Variants in CELF1 observed in about 807,000 individuals in gnomAD.
The protein encoded by CELF1 is 50 kDa nuclear polyadenylated RNA-binding protein.
A neutral mutation model predicts 61.8 loss-of-function variants in CELF1; 10 were observed. The observed-to-expected ratio is 0.16, with a 90% CI of 0.10 to 0.27. CELF1 has a LOEUF of 0.27. Ranked by LOEUF, CELF1 falls within the 10% of genes least tolerant of loss-of-function variation. The probability of loss-of-function intolerance (pLI) is 1.00; values close to 1 mark genes in which losing one functional copy is unlikely to be tolerated. For missense variants in CELF1, 380 were observed against 639.1 expected (o/e 0.59, Z 4.37); for synonymous variants, 236 against 225.1 (o/e 1.05, Z -0.43).
chr11:47,518,925 A>T (rs1308945102), intron 1 of CELF1, among the ~76,000 whole-genome samples: 1 of 152,216 alleles, frequency 6.6e-6, no homozygotes, highest in Non-Finnish European at 1.5e-5. Flanking sequence ...GGATGCTTCC[A>T]TATGGTCTTG....
chr11:47,558,728 T>A (rs1279496229), intron 2 of CELF1, among the ~76,000 whole-genome samples: 2 of 96,520 alleles, frequency 2.1e-5, no homozygotes, highest in East Asian at 2.6e-4. Context: ...ATGACATATA[T>A]TATATATAAT....
At chr11:47,478,848 C>T (rs12224672) in intron 10 of CELF1, 29 bp downstream of exon 10, 410,791 of 1,580,272 alleles carry the variant, frequency 0.26, 56,806 homozygotes, top group Middle Eastern at 0.28. Context: ...CTGGGTGCTG[C>T]TGCTCCTCTG....
At chr11:47,486,122 G>C (rs12808812) in intron 6 of CELF1, among the ~76,000 whole-genome samples, 22,824 of 22,828 alleles carry the variant, frequency 1, 11,410 homozygotes, top group Middle Eastern at 1. Context: ...GATCATGCCA[G>C]TGTACTCCCG....
intron 1 of CELF1, among the ~76,000 whole-genome samples, chr11:47,520,792 G>A (rs1428050546): frequency 6.6e-6 from 1 of 151,628 alleles, no homozygotes; most frequent in African/African-American, 2.4e-5. Context: ...GCCTGGGTCA[G>A]TGAGAACCAA....
chr11:47,523,178 T>C (rs759433361), intron 1 of CELF1: 15 of 152,058 alleles, frequency 9.9e-5, no homozygotes, highest in African/African-American at 2.9e-4. Context: ...AGGGAAGTTA[T>C]AAATTTTAAA....
At chr11:47,487,125 C>T in intron 5 of CELF1, 34 bp downstream of exon 5, 1 of 1,514,364 alleles carries the variant, frequency 6.6e-7, no homozygotes, top group Non-Finnish European at 9.1e-7. Flanking sequence ...ATCAAAGTTA[C>T]CACATTTCCA....
Position 47,473,151 on chromosome 11 carries a change from AG to A in CELF1, c.1353del (p.Phe452LeufsTer11). ...GDQDLLQMFM[P>X]FGNVVSAKVF... ...ACCTTGGCAGACACGACATTCCCAA[AG>A]GGCATAAACATCTGCAGCAGGTCCT... On this transcript the variant is annotated frameshift_variant, in exon 14 of 15. Coordinates refer to ENST00000687097, the MANE Select transcript of CELF1 (RefSeq NM_001376376.1). LOFTEE classifies it high-confidence loss of function. 6.2e-7 allele frequency: 1 copy of A among 1,614,206 alleles called. No individual in the cohort carries two copies. The highest frequency in any genetic ancestry group is 8.5e-7 in the Non-Finnish European group (1 of 1,180,014).
intron 1 of CELF1, chr11:47,523,882 C>T (rs1597911409): frequency 1.3e-5 from 2 of 152,164 alleles, no homozygotes; most frequent in Non-Finnish European, 2.9e-5. Flanking sequence ...TATCTCATAA[C>T]AAACCAAGAA....
intron 2 of CELF1, among the ~76,000 whole-genome samples, chr11:47,500,596 C>A (rs903761816): frequency 7.9e-5 from 12 of 152,206 alleles, no homozygotes; most frequent in African/African-American, 2.9e-4. Context: ...GAAGTCTCTT[C>A]ATTCTCTTTT....
In CELF1 at chr11:47,472,254, C is replaced by T. The variant is rs145495807; in HGVS notation, c.1521G>A (p.Ser507=). ...MKRLKVQLKR[S]KNDSKPY ...CTCAGTAGGGCTTGCTGTCATTCTT[C>T]GAACGTTTGAGCTGCACTTTAAGCC... The change falls in exon 15 of 15, where the codon TCG becomes TCA. Residue 507 remains serine (S), a synonymous_variant. Transcript: ENST00000687097. The T allele has an allele frequency of 2.1e-3, 3,410 of 1,614,156 alleles. 7 individuals carry two copies. The highest frequency in any genetic ancestry group is 9.8e-3 in the Middle Eastern group (59 of 6,038).
At chr11:47,505,416 G>A (rs1343485213) in intron 1 of CELF1, among the ~76,000 whole-genome samples, 3 of 150,950 alleles carry the variant, frequency 2.0e-5, no homozygotes, top group African/African-American at 7.3e-5. Flanking sequence ...GGCAGATCAC[G>A]AGGTCAGATC....
chr11:47,481,069 G>T (rs1374333850), intron 9 of CELF1, among the ~76,000 whole-genome samples: 1 of 143,424 alleles, frequency 7.0e-6, no homozygotes, highest in Non-Finnish European at 1.5e-5. Flanking sequence ...ATACTAGCTA[G>T]GATAAACTGG....
intron 3 of CELF1, among the ~76,000 whole-genome samples, chr11:47,492,008 C>T (rs1022323832): frequency 1.9e-4 from 29 of 152,268 alleles, no homozygotes; most frequent in Admixed American, 2.6e-4. Flanking sequence ...GACATGGTCT[C>T]GCTCTGTTGC....
rs200413889 is a variant in CELF1, at chr11:47,501,662, CA to C, written c.-153-731del. Among the ~76,000 whole-genome samples the C allele has an allele frequency of 4.7e-3, 702 of 148,510 alleles. 27 individuals carry two copies. The East Asian group carries it at 0.1, about 22-fold the overall frequency. On this transcript the variant is annotated intron_variant, in intron 1 of 14. Transcript: ENST00000687097. ...AAACCCCATCTCTACTAAAAAATATCAAAAAAAAAAATTAGCTGGGCGAGGT... is the reference window on the plus strand; with the variant it reads ...AAACCCCATCTCTACTAAAAAATATCAAAAAAAAAATTAGCTGGGCGAGGT...
At chr11:47,534,063 T>C (rs1016815934) in intron 1 of CELF1, among the ~76,000 whole-genome samples, 7 of 142,440 alleles carry the variant, frequency 4.9e-5, no homozygotes, top group Admixed American at 2.9e-4. Context: ...AGTTTCACTC[T>C]TGTTGCCCAG....
At chr11:47,477,878 C>G (rs1467783615) in intron 10 of CELF1, among the ~76,000 whole-genome samples, 1 of 152,152 alleles carries the variant, frequency 6.6e-6, no homozygotes, top group African/African-American at 2.4e-5. Context: ...AGGGAGAACA[C>G]AGCAGAGCAG....
chr11:47,542,188 G>A (rs149008755), intron 1 of CELF1, among the ~76,000 whole-genome samples: 1 of 152,028 alleles, frequency 6.6e-6, no homozygotes, highest in Non-Finnish European at 1.5e-5. Flanking sequence ...TAGCCAACAT[G>A]GTGAAACCCC....
intron 1 of CELF1, among the ~76,000 whole-genome samples, chr11:47,512,946 C>A (rs2153611808): frequency 6.6e-6 from 1 of 152,268 alleles, no homozygotes; most frequent in East Asian, 1.9e-4. Flanking sequence ...TTATGCTAAA[C>A]CGTGTGAAAA....
intron 3 of CELF1, chr11:47,495,913 T>C: frequency 9.0e-6 from 8 of 890,304 alleles, no homozygotes; most frequent in Non-Finnish European, 1.1e-5. Context: ...TCCCTTTAAT[T>C]ATACAAAAAG....
Sources: gnomAD v4.1 joint callset for allele counts (sites outside exome capture counted in the v4.1 genomes callset) on GRCh38, gnomAD v4.1.1 for gene constraint, MANE v1.5 for transcripts, NCBI Gene and HGNC (gene_info 2026-07-23, HGNC 2026-07-21) for gene names.